The following DNM1L variants were observed in gnomAD, a reference collection of about 807,000 sequenced individuals.
The protein encoded by DNM1L is dynamin-1-like protein.
A neutral mutation model predicts 92.8 loss-of-function variants in DNM1L; 33 were observed. The observed-to-expected ratio is 0.36, with a 90% CI of 0.27 to 0.48. The LOEUF is 0.48. DNM1L is among the 20% of genes least tolerant of loss of function. DNM1L has a pLI of 0.99. For synonymous variants in DNM1L, 284 were observed against 305.0 expected (o/e 0.93, Z 0.72); for missense variants, 485 against 888.8 (o/e 0.55, Z 5.78).
At chr12:32,686,715 C>G (rs577246687) in intron 1 of DNM1L, among the ~76,000 whole-genome samples, 1 of 152,252 alleles carries the variant, frequency 6.6e-6, no homozygotes, top group Admixed American at 6.5e-5. Flanking sequence ...AACCACTTTT[C>G]CACAGCAGCT....
chr12:32,705,841 A>C, intron 2 of DNM1L: 1 of 1,598,096 alleles, frequency 6.3e-7, no homozygotes, highest in Non-Finnish European at 8.5e-7. Flanking sequence ...CTACATGGAA[A>C]AACTCAAGAC....
chr12:32,717,928 T>TAAA (rs1482412677), intron 6 of DNM1L, among the ~76,000 whole-genome samples: 71 of 82,206 alleles, frequency 8.6e-4, no homozygotes, highest in South Asian at 7.8e-3. Context: ...ATAGTATATA[T>TAAA]TTTATATATA....
rs1283164475 is a variant in DNM1L, at chr12:32,679,358, A to T, written c.-6A>T. The T allele has an allele frequency of 3.7e-6, 6 of 1,611,004 alleles. No homozygotes were observed. In the South Asian group the frequency reaches 6.6e-5, roughly 18 times the overall value. Reference sequence around the variant, plus strand: ...GCGGGCACTGGGGCCCCGTGTTTTCAGAGTCATGGAGGCGCTAATTCCTGT... The same window carrying T: ...GCGGGCACTGGGGCCCCGTGTTTTCTGAGTCATGGAGGCGCTAATTCCTGT... On this transcript the variant is annotated 5_prime_UTR_variant, in exon 1 of 20. Coordinates refer to ENST00000549701, the MANE Select transcript of DNM1L (RefSeq NM_012062.5).
At chr12:32,692,155 T>G (rs1317194875) in intron 1 of DNM1L, among the ~76,000 whole-genome samples, 1 of 152,148 alleles carries the variant, frequency 6.6e-6, no homozygotes, top group East Asian at 1.9e-4. Flanking sequence ...GATATATATT[T>G]TAATTATTTA....
chr12:32,724,404 C>G (rs554092585), intron 9 of DNM1L, among the ~76,000 whole-genome samples: 1 of 151,376 alleles, frequency 6.6e-6, no homozygotes, highest in South Asian at 2.1e-4. Context: ...GGTGAAACCC[C>G]ATCTCTACTA....
intron 1 of DNM1L, among the ~76,000 whole-genome samples, chr12:32,699,011 C>A (rs1952584392): frequency 6.6e-6 from 1 of 151,298 alleles, no homozygotes; most frequent in African/African-American, 2.4e-5. Context: ...TAGAATGAGA[C>A]CCCATCTCTT....
At chr12:32,682,293 C>T (rs61199617) in intron 1 of DNM1L, among the ~76,000 whole-genome samples, 1,814 of 152,188 alleles carry the variant, frequency 0.012, 42 homozygotes, top group African/African-American at 0.04. Context: ...CCACCACGCC[C>T]GGCTAATTTT....
chr12:32,720,947 C>G (rs1953774459), intron 8 of DNM1L, 152 bp downstream of exon 8: 5 of 920,278 alleles, frequency 5.4e-6, no homozygotes, highest in Non-Finnish European at 8.2e-6. Flanking sequence ...GTAGATGTCT[C>G]TGTTTTTATT....
chr12:32,735,411 C>T (rs919514521), intron 13 of DNM1L, among the ~76,000 whole-genome samples: 2 of 152,118 alleles, frequency 1.3e-5, no homozygotes, highest in African/African-American at 4.8e-5. Flanking sequence ...TTCTAGATAC[C>T]GTGGCCTTTT....
At chr12:32,737,795 T>C (rs188941696) in intron 14 of DNM1L, 70 bp from the exon 15 acceptor site, 69 of 1,165,848 alleles carry the variant, frequency 5.9e-5, no homozygotes, top group East Asian at 9.4e-5. Context: ...GAAAAATTCA[T>C]TTATAGAATG....
chr12:32,693,547 C>T (rs1952311504), intron 1 of DNM1L, among the ~76,000 whole-genome samples: 1 of 152,182 alleles, frequency 6.6e-6, no homozygotes, highest in Admixed American at 6.5e-5. Context: ...CTGAGATACA[C>T]TCTATACCAT....
At position 32,683,607 on chromosome 12, in the gene DNM1L, C is replaced by T. The variant is rs547455111; in HGVS notation, c.102+4142C>T. Among the ~76,000 whole-genome samples the T allele has an allele frequency of 1.4e-4, 22 of 152,008 alleles. 1 individual carries two copies. Among genetic ancestry groups the T allele is most frequent in the Admixed American group, 5.9e-4 (9 of 15,254 alleles). On this transcript the variant is annotated intron_variant, in intron 1 of 19. Coordinates refer to ENST00000549701, the MANE Select transcript of DNM1L (RefSeq NM_012062.5). ...TTGTCCAGGCTGGAGTGCAGTGGTG[C>T]GATCTCAACTCACTGCAACCTCCGC...
In DNM1L at chr12:32,743,263, C is replaced by G; in HGVS notation, c.2155-91C>G. The G allele has an allele frequency of 2.6e-6, 3 of 1,141,940 alleles. No homozygotes were observed. The South Asian group carries it at 3.9e-5, about 15-fold the overall frequency. The allele number at this position is 1,141,940 out of a possible 1,614,324, so 70.7% of individuals were successfully genotyped here. On this transcript the variant is annotated intron_variant, in intron 19 of 19. Transcript: ENST00000549701. ...ATAAACTGGTTAGTTATAAACCTACCACATATATATTGGAAAAATTACCCT... is the reference window on the plus strand; with the variant it reads ...ATAAACTGGTTAGTTATAAACCTACGACATATATATTGGAAAAATTACCCT...
At chr12:32,716,600 T>C (rs1414744465) in intron 6 of DNM1L, among the ~76,000 whole-genome samples, 3 of 151,978 alleles carry the variant, frequency 2.0e-5, no homozygotes, top group African/African-American at 7.2e-5. Flanking sequence ...ATTACAGGCA[T>C]GGGCCATATC....
At chr12:32,718,040 C>CATATTATAT (rs1953614701) in intron 6 of DNM1L, among the ~76,000 whole-genome samples, 1 of 121,640 alleles carries the variant, frequency 8.2e-6, no homozygotes, top group East Asian at 2.3e-4. Flanking sequence ...ATATACTATA[C>CATATTATAT]ATACTATATA....
intron 2 of DNM1L, among the ~76,000 whole-genome samples, chr12:32,704,552 A>C (rs1355479544): frequency 9.4e-6 from 1 of 106,434 alleles, no homozygotes; most frequent in Non-Finnish European, 2.0e-5. Flanking sequence ...TCCGTCTTAA[A>C]AAAAAAAAAA....
In DNM1L at chr12:32,722,422, T is replaced by C; in HGVS notation, c.873-5T>C. The C allele has an allele frequency of 6.2e-7, 1 of 1,610,932 alleles. No homozygotes were observed. Among genetic ancestry groups the C allele is most frequent in the Non-Finnish European group, 8.5e-7 (1 of 1,179,002 alleles). On this transcript the variant is annotated splice_region_variant and splice_polypyrimidine_tract_variant and intron_variant, in intron 8 of 19. Coordinates refer to ENST00000549701, the MANE Select transcript of DNM1L (RefSeq NM_012062.5). ...TTTAAATCCTTCCTTTCTAACCTTT[T>C]TTAGGTTACTGATGCATCACATCAG...
chr12:32,707,125 C>T, intron 2 of DNM1L: 1 of 409,240 alleles, frequency 2.4e-6, no homozygotes, highest in East Asian at 4.0e-5. Flanking sequence ...GACCTGTGAG[C>T]AGCTCTGCCT....
intron 9 of DNM1L, among the ~76,000 whole-genome samples, chr12:32,723,263 C>T (rs1339155240): frequency 1.3e-5 from 2 of 152,018 alleles, no homozygotes; most frequent in African/African-American, 2.4e-5. Context: ...TCCCTTGAAA[C>T]TTCAATTTTA....
Sources: gnomAD v4.1 joint callset for allele counts (sites outside exome capture counted in the v4.1 genomes callset) on GRCh38, gnomAD v4.1.1 for gene constraint, MANE v1.5 for transcripts, NCBI Gene and HGNC (gene_info 2026-07-23, HGNC 2026-07-21) for gene names.